TMEM114: variants seen among roughly 807,000 people sequenced by gnomAD.
TMEM114 encodes the protein transmembrane protein 114, also known as claudin-26.
Under a neutral mutation model 6.2 loss-of-function variants are expected in TMEM114, and 6 were observed. The ratio of observed to expected loss-of-function variants is 0.97; its 90% CI spans 0.53 to 1.91. The LOEUF is 1.91. Ranked by LOEUF, TMEM114 falls within the 40% of genes most tolerant of loss-of-function variation. TMEM114 has a pLI of 0.01. For synonymous variants in TMEM114, 104 were observed against 73.0 expected, an observed-to-expected ratio of 1.42 and a Z score of -2.16; for missense variants, 218 against 158.3, an observed-to-expected ratio of 1.38 and a Z score of -2.02.
chr16:8,566,834 CCCTTTCTAATTGT>C (rs200139855), downstream of TMEM114, among the ~76,000 whole-genome samples: 936 of 152,094 alleles, frequency 6.2e-3, 11 homozygotes, highest in African/African-American at 0.021. Flanking sequence ...CTCCAAGAAG[CCCTTTCTAATTGT>C]CCTTCCTGGA....
At chr16:8,535,452 G>C (rs544427577), downstream of TMEM114, among the ~76,000 whole-genome samples, 5 of 151,964 alleles carry the variant, frequency 3.3e-5, no homozygotes, top group African/African-American at 1.2e-4. Flanking sequence ...CATTTGAAGG[G>C]AAGTTAATAA....
intron 2 of TMEM114, among the ~76,000 whole-genome samples, chr16:8,575,465 A>G (rs1426300908): frequency 6.6e-6 from 1 of 152,174 alleles, no homozygotes; most frequent in African/African-American, 2.4e-5. Context: ...TAAATTATCT[A>G]CCATGACCAT....
chr16:8,563,561 CTGAGGGAGGG>C (rs1901371641), intron 2 of TMEM114, among the ~76,000 whole-genome samples: 1 of 116,664 alleles, frequency 8.6e-6, no homozygotes, highest in African/African-American at 3.4e-5. Flanking sequence ...GAATGAGTGA[CTGAGGGAGGG>C]AGGAAATGAG....
downstream of TMEM114, among the ~76,000 whole-genome samples, chr16:8,536,239 A>T (rs2141643799): frequency 6.6e-6 from 1 of 152,082 alleles, no homozygotes; most frequent in East Asian, 1.9e-4. Flanking sequence ...AAAAAAAAAA[A>T]ATGTAGGGGT....
chr16:8,540,033 G>T (rs948886933), intron 2 of TMEM114, among the ~76,000 whole-genome samples: 1 of 151,980 alleles, frequency 6.6e-6, no homozygotes, highest in Non-Finnish European at 1.5e-5. Flanking sequence ...GACCAGGCTG[G>T]TCTTGAACTC....
At chr16:8,581,866 T>G (rs559681329) in intron 2 of TMEM114, among the ~76,000 whole-genome samples, 94 of 152,296 alleles carry the variant, frequency 6.2e-4, no homozygotes, top group African/African-American at 2.1e-3. Context: ...GCCCAGAGGA[T>G]TGAAGATCCA....
the TMEM114 span, among the ~76,000 whole-genome samples, chr16:8,532,422 C>T: frequency 6.6e-6 from 1 of 152,054 alleles, no homozygotes; most frequent in African/African-American, 2.4e-5. Flanking sequence ...CTGAATCTGA[C>T]CCTAGTATTA....
chr16:8,570,810 G>A (rs1353048264), intron 3 of TMEM114, among the ~76,000 whole-genome samples: 3 of 152,052 alleles, frequency 2.0e-5, no homozygotes, highest in Admixed American at 6.6e-5. Context: ...GTTACACATG[G>A]CTATTTAAAT....
intron 2 of TMEM114, among the ~76,000 whole-genome samples, chr16:8,558,329 C>A (rs1567200231): frequency 6.6e-6 from 1 of 152,270 alleles, no homozygotes; most frequent in East Asian, 1.9e-4. Context: ...AGTGGAGGAT[C>A]CTTCTTTGCC....
chr16:8,553,732 C>T (rs1441985579), intron 2 of TMEM114, among the ~76,000 whole-genome samples: 3 of 152,074 alleles, frequency 2.0e-5, no homozygotes, highest in Admixed American at 1.3e-4. Context: ...CCGCCCACCT[C>T]GGCCTCCCAA....
intron 2 of TMEM114, among the ~76,000 whole-genome samples, chr16:8,551,341 A>G (rs1900836791): frequency 6.6e-6 from 1 of 152,216 alleles, no homozygotes; most frequent in Admixed American, 6.5e-5. Context: ...GTTTGAATCC[A>G]AGCTCCAGCC....
chr16:8,566,855 G>A (rs541860780), downstream of TMEM114, among the ~76,000 whole-genome samples: 1 of 150,794 alleles, frequency 6.6e-6, no homozygotes, highest in East Asian at 1.9e-4. Context: ...TGTCCTTCCT[G>A]GAGTCACATC....
At chr16:8,536,547 T>G (rs924721436), downstream of TMEM114, among the ~76,000 whole-genome samples, 1 of 152,214 alleles carries the variant, frequency 6.6e-6, no homozygotes, top group Non-Finnish European at 1.5e-5. Context: ...AGTAATGAAG[T>G]CTTCAATAAA....
intron 2 of TMEM114, among the ~76,000 whole-genome samples, chr16:8,551,130 T>A (rs1055890648): frequency 6.6e-6 from 1 of 152,156 alleles, no homozygotes; most frequent in Non-Finnish European, 1.5e-5. Flanking sequence ...CTGGAGGATT[T>A]TTTTCTCCAA....
At chr16:8,583,853 G>C (rs562396609) in intron 2 of TMEM114, among the ~76,000 whole-genome samples, 1 of 152,052 alleles carries the variant, frequency 6.6e-6, no homozygotes, top group African/African-American at 2.4e-5. Context: ...ACAGCACCTT[G>C]AGCTGCCTGT....
intron 2 of TMEM114, among the ~76,000 whole-genome samples, chr16:8,559,762 G>A (rs1901139455): frequency 6.6e-6 from 1 of 152,176 alleles, no homozygotes; most frequent in African/African-American, 2.4e-5. Context: ...CGATGCTGCC[G>A]ACTTCGTTCT....
chr16:8,574,394 T>A (rs527290835), intron 2 of TMEM114, among the ~76,000 whole-genome samples: 1 of 152,164 alleles, frequency 6.6e-6, no homozygotes, highest in South Asian at 2.1e-4. Context: ...GTGATAATCA[T>A]AACTTGGTCC....
chr16:8,535,584 G>C (rs1352913363), downstream of TMEM114, among the ~76,000 whole-genome samples: 1 of 152,114 alleles, frequency 6.6e-6, no homozygotes, highest in Non-Finnish European at 1.5e-5. Context: ...AAGATCATGG[G>C]AAATAAATGA....
intron 2 of TMEM114, among the ~76,000 whole-genome samples, chr16:8,560,470 C>T (rs1175439530): frequency 1.3e-5 from 2 of 152,136 alleles, no homozygotes; most frequent in Non-Finnish European, 2.9e-5. Flanking sequence ...GTTTGCATGC[C>T]AGGGTGGCCC....
Sources: allele counts gnomAD v4.1 joint callset (sites outside exome capture counted in the v4.1 genomes callset), GRCh38; gene constraint gnomAD v4.1.1; transcripts MANE v1.5; gene names NCBI Gene and HGNC (gene_info 2026-07-23, HGNC 2026-07-21).